The following PARP8 variants were observed in gnomAD, a reference collection of about 807,000 sequenced individuals.
PARP8 encodes the protein poly(ADP-ribose) polymerase family member 8, also known as protein mono-ADP-ribosyltransferase PARP8.
Under a neutral mutation model 124.1 loss-of-function variants are expected in PARP8, and 51 were observed. That is an observed-to-expected ratio of 0.41 (90% CI 0.33 to 0.52). PARP8 has a LOEUF of 0.52. Ranked by LOEUF, PARP8 falls within the 20% of genes least tolerant of loss-of-function variation. PARP8 has a pLI of 0.21. For synonymous variants in PARP8, 391 were observed against 361.5 expected, an observed-to-expected ratio of 1.08 and a Z score of -0.93; for missense variants, 860 against 1,018.9, an observed-to-expected ratio of 0.84 and a Z score of 2.12.
At chr5:50,735,965 C>A (rs569810176) in intron 2 of PARP8, among the ~76,000 whole-genome samples, 1 of 150,208 alleles carries the variant, frequency 6.7e-6, no homozygotes, top group African/African-American at 2.5e-5. Flanking sequence ...TTCCCCCCCC[C>A]CCTTTTATTA....
At chr5:50,813,806 A>C (rs1314723166) in intron 14 of PARP8, among the ~76,000 whole-genome samples, 3 of 152,036 alleles carry the variant, frequency 2.0e-5, no homozygotes, top group Non-Finnish European at 4.4e-5. Flanking sequence ...TAGTCCCTGG[A>C]ATGTGTGTGT....
chr5:50,825,782 C>A (rs988430907), intron 18 of PARP8, among the ~76,000 whole-genome samples: 1 of 152,052 alleles, frequency 6.6e-6, no homozygotes, highest in Non-Finnish European at 1.5e-5. Flanking sequence ...GCACTTATAC[C>A]ATGCTACGAC....
At chr5:50,747,927 C>T (rs113020218) in intron 2 of PARP8, among the ~76,000 whole-genome samples, 4,025 of 151,538 alleles carry the variant, frequency 0.027, 182 homozygotes, top group African/African-American at 0.092. Flanking sequence ...CGCCTGCCAC[C>T]GCGCCCGGCT....
chr5:50,690,638 G>T (rs1310788527), intron 2 of PARP8, among the ~76,000 whole-genome samples: 1 of 151,878 alleles, frequency 6.6e-6, no homozygotes, highest in Admixed American at 6.6e-5. Context: ...TTCTTTTATT[G>T]GACCTATCTA....
At chr5:50,716,654 G>A (rs1755349884) in intron 2 of PARP8, among the ~76,000 whole-genome samples, 2 of 152,058 alleles carry the variant, frequency 1.3e-5, no homozygotes, top group Admixed American at 6.6e-5. Context: ...TTTGGGCTTA[G>A]TGCAGGAGCT....
chr5:50,820,493 T>A (rs968876411), intron 15 of PARP8, among the ~76,000 whole-genome samples: 2 of 152,154 alleles, frequency 1.3e-5, no homozygotes, highest in Non-Finnish European at 2.9e-5. Context: ...TCTTAGTAGA[T>A]TGTGCAGAAG....
intron 2 of PARP8, among the ~76,000 whole-genome samples, chr5:50,684,986 G>C (rs933222141): frequency 7.2e-5 from 11 of 152,178 alleles, no homozygotes; most frequent in Non-Finnish European, 8.8e-5. Context: ...AGTTGCTTGA[G>C]ACTACTTCAC....
rs371956842 is a variant in PARP8 at position 50,828,729 on chromosome 5, T to TTTTATA, written c.2163+346_2163+347insTTATAT. Among the ~76,000 whole-genome samples, 77 of 146,110 alleles carry TTTTATA rather than the reference T, an allele frequency of 5.3e-4. 1 individual carries two copies. The South Asian group carries it at 0.013, about 25-fold the overall frequency. ...ACCCTGTCTCTATTAAAAATACAAA[T>TTTTATA]TATATATATATATATATATTTATCC... On this transcript the variant is annotated intron_variant, in intron 21 of 25. Coordinates refer to ENST00000281631, the MANE Select transcript of PARP8 (RefSeq NM_024615.4).
In PARP8 at chr5:50,823,372, C is replaced by A. The variant is rs929833684; in HGVS notation, c.1860+972C>A. Among the ~76,000 whole-genome samples the A allele has an allele frequency of 2.6e-5, 4 of 152,244 alleles. No homozygotes were observed. The East Asian group carries it at 7.7e-4, about 29-fold the overall frequency. On this transcript the variant is annotated intron_variant, in intron 17 of 25. Transcript: ENST00000281631. ...TCATTTATTCATGTAGTCAAATATT[C>A]GTTCATTCACTCAATAAATAGTGTG... is the stretch of plus-strand genomic sequence containing the variant.
At chr5:50,688,573 G>A (rs1752127969) in intron 2 of PARP8, among the ~76,000 whole-genome samples, 2 of 152,236 alleles carry the variant, frequency 1.3e-5, no homozygotes, top group South Asian at 2.1e-4. Context: ...AACTTACATG[G>A]TATTATTGAT....
intron 2 of PARP8, among the ~76,000 whole-genome samples, chr5:50,693,573 TAAAG>T (rs35956568): frequency 0.046 from 7,056 of 152,060 alleles, 225 homozygotes; most frequent in Admixed American, 0.073. Flanking sequence ...CAGAAGGATA[TAAAG>T]AAAGTAAAAC....
chr5:50,681,409 A>G (rs1180756592), intron 2 of PARP8, among the ~76,000 whole-genome samples: 6 of 151,980 alleles, frequency 3.9e-5, no homozygotes, highest in Non-Finnish European at 8.8e-5. Flanking sequence ...GGCATTCTTG[A>G]TGTGGTTAGG....
chr5:50,824,941 A>G lies in PARP8; in HGVS notation c.1894A>G (p.Lys632Glu), dbSNP rs1405767841. 6.2e-7 allele frequency: 1 copy of G among 1,613,382 alleles called. No homozygotes were observed. Among genetic ancestry groups the G allele is most frequent in the Non-Finnish European group, 8.5e-7 (1 of 1,179,408 alleles). ...TCTGGAAATCAAGAAGCAAATGGAT[A>G]AACAGGACCCCCTTGCTCATCCCTT... The part of the protein sequence containing the change: ...PYLEIKKQMD[K>E]QDPLAHPLLQ... The change falls in exon 18 of 26, where the codon AAA becomes GAA. Residue 632 changes from lysine (K) to glutamate (E), a missense_variant. Transcript: ENST00000281631.
chr5:50,794,270 C>T lies in PARP8; in HGVS notation c.801C>T (p.His267=), dbSNP rs145069945. The change falls in exon 11 of 26, where the codon CAC becomes CAT. Residue 267 remains histidine, a synonymous_variant. Transcript: ENST00000281631. ...KQSKEKSNCL[H]NKKLSEKKVK... ...GCAAAGAAAAATCCAATTGCCTGCA[C>T]AATAAAAAGTTGTCAGAGAAGAAAG... The T allele has an allele frequency of 3.3e-4, 530 of 1,613,552 alleles. No individual in the cohort carries two copies. The African/African-American group carries it at 5.6e-3, about 17-fold the overall frequency.
intron 3 of PARP8, among the ~76,000 whole-genome samples, chr5:50,750,988 G>A (rs989629586): frequency 5.9e-5 from 9 of 152,068 alleles, no homozygotes; most frequent in Non-Finnish European, 1.2e-4. Flanking sequence ...TTGATGCTAT[G>A]TTTGCCAAGT....
intron 2 of PARP8, among the ~76,000 whole-genome samples, chr5:50,734,529 A>T (rs1246134685): frequency 6.6e-6 from 1 of 152,160 alleles, no homozygotes; most frequent in Non-Finnish European, 1.5e-5. Context: ...CATTCAAACA[A>T]ATTAATTTGT....
intron 9 of PARP8, among the ~76,000 whole-genome samples, chr5:50,779,508 G>C (rs1441334930): frequency 5.3e-5 from 8 of 152,196 alleles, no homozygotes; most frequent in Admixed American, 4.6e-4. Flanking sequence ...TAGAGTGCCT[G>C]TCCGACACAT....
rs185759324 is a variant in PARP8, at chr5:50,813,813, G to C, written c.1576-1619G>C. ...TATTGTTATAGTCCCTGGAATGTGT[G>C]TGTATATGTACACGCACACAGACAC... On this transcript the variant is annotated intron_variant, in intron 14 of 25. Transcript: ENST00000281631. Among the ~76,000 whole-genome samples the C allele has an allele frequency of 1.1e-3, 167 of 152,116 alleles. 2 individuals carry two copies. The highest frequency in any genetic ancestry group is 3.4e-3 in the African/African-American group (142 of 41,502).
chr5:50,667,344 G>A (rs1346490172), intron 1 of PARP8, among the ~76,000 whole-genome samples, 158 bp downstream of exon 1: 2 of 152,176 alleles, frequency 1.3e-5, no homozygotes, highest in Admixed American at 1.3e-4. Context: ...CCAAAAGGGG[G>A]AGGGGGCGCC....
Sources: gnomAD v4.1 joint callset for allele counts (sites outside exome capture counted in the v4.1 genomes callset) on GRCh38, gnomAD v4.1.1 for gene constraint, MANE v1.5 for transcripts, NCBI Gene and HGNC (gene_info 2026-07-23, HGNC 2026-07-21) for gene names.